BANP: variants seen among roughly 807,000 people sequenced by gnomAD.
BANP encodes protein BANP.
In BANP, 11 loss-of-function variants were observed where a neutral mutation model predicts 68.1. The ratio of observed to expected loss-of-function variants is 0.16; its 90% CI spans 0.10 to 0.27. The LOEUF is 0.27. Among genes scored for constraint, BANP ranks in the 10% least tolerant of loss-of-function variants. The pLI is 1.00. For missense variants in BANP, 504 were observed against 722.7 expected (o/e 0.70, Z 3.47); for synonymous variants, 329 against 303.2 (o/e 1.09, Z -0.88).
intron 7 of BANP, among the ~76,000 whole-genome samples, chr16:88,019,322 C>T (rs575734780): frequency 6.6e-6 from 1 of 152,254 alleles, no homozygotes; most frequent in South Asian, 2.1e-4. Context: ...AGCCCGTCTG[C>T]TTCAGAAGCC....
At chr16:88,022,519 G>C (rs370312792) in intron 7 of BANP, among the ~76,000 whole-genome samples, 1 of 152,230 alleles carries the variant, frequency 6.6e-6, no homozygotes, top group African/African-American at 2.4e-5. Context: ...GTGGTACCTA[G>C]TGGGAAGCAG....
intron 11 of BANP, among the ~76,000 whole-genome samples, chr16:88,054,833 C>G (rs548556923): frequency 6.6e-6 from 1 of 152,320 alleles, no homozygotes; most frequent in South Asian, 2.1e-4. Context: ...CTCAGTGTTG[C>G]TTCAGGATAA....
At chr16:88,069,183 A>G (rs1420575027) in intron 12 of BANP, among the ~76,000 whole-genome samples, 1 of 152,234 alleles carries the variant, frequency 6.6e-6, no homozygotes, top group Non-Finnish European at 1.5e-5. Flanking sequence ...GATCATGGGA[A>G]GGGGCAGCTG....
intron 7 of BANP, among the ~76,000 whole-genome samples, chr16:88,022,165 A>G (rs1348595084): frequency 6.6e-6 from 1 of 152,254 alleles, no homozygotes; most frequent in Non-Finnish European, 1.5e-5. Flanking sequence ...ATGTGCTCTC[A>G]GGACAGCAGC....
At chr16:87,984,036 A>C in intron 3 of BANP, 24 bp from the exon 4 acceptor site, 1 of 1,612,984 alleles carries the variant, frequency 6.2e-7, no homozygotes, top group Non-Finnish European at 8.5e-7. Flanking sequence ...ACCCTTCCTA[A>C]AGCCGGTCTT....
chr16:88,041,280 C>T (rs1345673106), intron 11 of BANP, among the ~76,000 whole-genome samples: 7 of 152,140 alleles, frequency 4.6e-5, no homozygotes, highest in African/African-American at 7.2e-5. Flanking sequence ...GCTGCCGGGG[C>T]GACGGGTTTG....
intron 1 of BANP, among the ~76,000 whole-genome samples, chr16:87,968,996 C>A (rs368925607): frequency 1.2e-4 from 18 of 152,268 alleles, no homozygotes; most frequent in East Asian, 7.7e-4. Flanking sequence ...TCTTCTGTAT[C>A]TTAACCTGGA....
rs1385300994 is a variant in BANP at position 88,018,179 on chromosome 16, C to T, written c.656-249C>T. On this transcript the variant is annotated intron_variant, in intron 6 of 13. Coordinates refer to ENST00000682872, the MANE Select transcript of BANP (RefSeq NM_001386991.1). The surrounding 1 kb of genome is among the most constrained non-coding windows in gnomAD (Gnocchi z 7.7). Reference sequence around the variant, plus strand: ...CCGTGTTGGCGCTCAGGTCCCGAGGCCCTGCAGCCCCACAGGCACGTGGCC... The same window carrying T: ...CCGTGTTGGCGCTCAGGTCCCGAGGTCCTGCAGCCCCACAGGCACGTGGCC... Among the ~76,000 whole-genome samples, 5 of 151,744 alleles carry T rather than the reference C, an allele frequency of 3.3e-5. No homozygotes were observed. Among genetic ancestry groups the T allele is most frequent in the African/African-American group, 1.2e-4 (5 of 41,302 alleles).
chr16:87,998,824 G>A (rs9929437), intron 4 of BANP, among the ~76,000 whole-genome samples: 124,081 of 126,258 alleles, frequency 0.98, 61,021 homozygotes, highest in South Asian at 1. Flanking sequence ...ACACGTCTCC[G>A]TGCCCGCACG....
chr16:87,951,345 GGTGCC>G (rs1174179676), upstream of BANP: 1 of 151,920 alleles, frequency 6.6e-6, no homozygotes, highest in Non-Finnish European at 1.5e-5. Context: ...CTGCCACAGG[GGTGCC>G]CCGCCCCCGG....
At chr16:88,053,378 C>T (rs1449816967) in intron 11 of BANP, among the ~76,000 whole-genome samples, 1 of 151,694 alleles carries the variant, frequency 6.6e-6, no homozygotes, top group African/African-American at 2.4e-5. Context: ...CCCACTCCCA[C>T]CTCCTTCACT....
chr16:87,976,610 G>T (rs1215687396), intron 2 of BANP, among the ~76,000 whole-genome samples: 1 of 151,272 alleles, frequency 6.6e-6, no homozygotes, highest in Admixed American at 6.6e-5. Context: ...GAATTGAAAT[G>T]CTCACAATTT....
At chr16:88,045,283 G>A (rs928961341) in intron 11 of BANP, among the ~76,000 whole-genome samples, 5 of 152,326 alleles carry the variant, frequency 3.3e-5, no homozygotes, top group African/African-American at 1.2e-4. Context: ...TCATATGGTG[G>A]GCATGGGACG....
At chr16:88,022,586 G>A (rs1301635037) in intron 7 of BANP, among the ~76,000 whole-genome samples, 6 of 152,332 alleles carry the variant, frequency 3.9e-5, no homozygotes, top group African/African-American at 1.4e-4. Flanking sequence ...ACCTGGCCCC[G>A]TTGTGTCTTG....
At chr16:88,013,365 AG>A (rs2067156906) in intron 6 of BANP, among the ~76,000 whole-genome samples, 1 of 152,076 alleles carries the variant, frequency 6.6e-6, no homozygotes, top group South Asian at 2.1e-4. Context: ...CCCTCAGTGC[AG>A]TGTGACGTGG....
Position 88,076,601 on chromosome 16 carries a change from C to T in BANP, c.1533C>T (p.Ala511=). 2 of 1,612,546 alleles carry T rather than the reference C, an allele frequency of 1.2e-6. No individual in the cohort carries two copies. Among genetic ancestry groups the T allele is most frequent in the African/African-American group, 2.7e-5 (2 of 75,046 alleles). Reference sequence around the variant, plus strand: ...TCTCCCTTTTGCAGACGGCCGAAGCCCTGCAGCCCACGCTACAGCCGGAGA... The same window carrying T: ...TCTCCCTTTTGCAGACGGCCGAAGCTCTGCAGCCCACGCTACAGCCGGAGA... ...DHTAGAQTAE[A]LQPTLQPEMQ... The change falls in exon 14 of 14, where the codon GCC becomes GCT. Residue 511 remains alanine, a synonymous_variant. Transcript: ENST00000682872.
intron 13 of BANP, among the ~76,000 whole-genome samples, chr16:88,074,940 A>G (rs563224969): frequency 3.0e-4 from 46 of 152,288 alleles, no homozygotes; most frequent in African/African-American, 1.1e-3. Flanking sequence ...GCAGTGTTTC[A>G]TGCCTGTAAT....
intron 8 of BANP, among the ~76,000 whole-genome samples, chr16:88,031,073 G>A (rs1438507177): frequency 6.6e-6 from 1 of 152,236 alleles, no homozygotes; most frequent in Non-Finnish European, 1.5e-5. Context: ...TTCCTGGGGT[G>A]CACAAGGCTT....
intron 12 of BANP, among the ~76,000 whole-genome samples, chr16:88,068,112 C>T (rs535849771): frequency 2.8e-4 from 42 of 152,352 alleles, no homozygotes; most frequent in African/African-American, 9.1e-4. Context: ...GCTGGGTGTC[C>T]GACAGAGGTG....
Sources: gnomAD v4.1 joint callset for allele counts (sites outside exome capture counted in the v4.1 genomes callset) on GRCh38, gnomAD v4.1.1 for gene constraint, Gnocchi (gnomAD v3.1) non-coding constraint, MANE v1.5 for transcripts, NCBI Gene and HGNC (gene_info 2026-07-23, HGNC 2026-07-21) for gene names.